Variants in CCNH observed in about 807,000 individuals in gnomAD.
CCNH encodes cyclin H, also known as cyclin-H.
CCNH carries 31 observed loss-of-function variants against 41.9 expected under a neutral mutation model. That is an observed-to-expected ratio of 0.74 (90% CI 0.56 to 1.00). The LOEUF is 1.00. Among genes scored for constraint, CCNH ranks in the 50% least tolerant of loss-of-function variants. The pLI is 0.00. For synonymous variants in CCNH, 138 were observed against 136.1 expected (o/e 1.01, Z -0.10); for missense variants, 362 against 388.4 (o/e 0.93, Z 0.57).
At chr5:87,342,519 G>A (rs1204039351) in intron 9 of CCNH, among the ~76,000 whole-genome samples, 1 of 152,150 alleles carries the variant, frequency 6.6e-6, no homozygotes, top group Non-Finnish European at 1.5e-5. Context: ...AGCAAGTGAA[G>A]CGGGTCAAGT....
downstream of CCNH, chr5:87,376,130 C>A (rs1160693967): frequency 4.0e-6 from 2 of 496,598 alleles, no homozygotes; most frequent in Non-Finnish European, 7.3e-6. Context: ...TAATTGATTT[C>A]TTGCCTTCTT....
intron 9 of CCNH, among the ~76,000 whole-genome samples, chr5:87,360,160 T>C (rs1759972759): frequency 6.6e-6 from 1 of 151,382 alleles, no homozygotes; most frequent in Admixed American, 6.6e-5. Context: ...ATTTCGCTCT[T>C]TTTTGCTCAG....
chr5:87,329,118 CATT>C (rs1561285066), intron 9 of CCNH, among the ~76,000 whole-genome samples: 1 of 150,158 alleles, frequency 6.7e-6, no homozygotes, highest in African/African-American at 2.4e-5. Context: ...CTGACTTATC[CATT>C]TTAATGCTCA....
chr5:87,366,049 T>G (rs1184351457), intron 9 of CCNH, among the ~76,000 whole-genome samples: 4 of 152,144 alleles, frequency 2.6e-5, no homozygotes, highest in Admixed American at 2.0e-4. Flanking sequence ...AAGAAAAGTT[T>G]TGATAAAAGT....
intron 4 of CCNH, among the ~76,000 whole-genome samples, chr5:87,407,470 T>G (rs536903013): frequency 2.6e-5 from 4 of 152,142 alleles, no homozygotes; most frequent in Non-Finnish European, 5.9e-5. Flanking sequence ...CAAAACAACT[T>G]AAAAAAGTTG....
Position 87,377,149 on chromosome 5 carries a change from A to ACCAT in CCNH, n.31_32insATGG, listed in dbSNP as rs1247675823. 84 of 1,382,620 alleles carry ACCAT rather than the reference A, an allele frequency of 6.1e-5. No homozygotes were observed. The Admixed American group carries it at 1.4e-3, about 23-fold the overall frequency. The allele number at this position is 1,382,620 out of a possible 1,614,324, so 85.6% of individuals were successfully genotyped here. The stretch of plus-strand genomic sequence containing the variant: ...ACTAAATTGTTAAATTATATTGCAA[A>ACCAT]ATAAGTTATTCTGTTTTCCCTCCTT... On this transcript the variant is annotated non_coding_transcript_exon_variant, in exon 1 of 1. Coordinates refer to the CCNH transcript ENST00000607486.
At chr5:87,319,960 A>G (rs1229893599) in intron 9 of CCNH, among the ~76,000 whole-genome samples, 2 of 152,234 alleles carry the variant, frequency 1.3e-5, no homozygotes, top group African/African-American at 4.8e-5. Context: ...GAAAAATACC[A>G]GGTCACATCT....
In CCNH at chr5:87,404,906, A is replaced by G. The variant is rs749077496; in HGVS notation, c.627T>C (p.Pro209=). The change falls in exon 5 of 9, where the codon CCT becomes CCC. Residue 209 remains proline, a synonymous_variant. Transcript: ENST00000256897. ...ALTDAYLLYT[P]SQIALTAILS... The stretch of plus-strand genomic sequence containing the variant: ...AAATGGCAGTCAGGGCAATTTGGGA[A>G]GGTGTGTATAAAAGGTAAGCATCCG... 1.2e-6 allele frequency: 2 copies of G among 1,613,630 alleles called. No homozygotes were observed. The highest frequency in any genetic ancestry group is 2.2e-5 in the South Asian group (2 of 91,056).
chr5:87,375,841 T>C (rs543386925), downstream of CCNH, among the ~76,000 whole-genome samples: 4 of 152,360 alleles, frequency 2.6e-5, no homozygotes, highest in South Asian at 8.3e-4. Context: ...ATAAAATGTT[T>C]ATTCTGTAGT....
At chr5:87,363,292 T>C (rs1580356265) in intron 9 of CCNH, 1 of 1,408,996 alleles carries the variant, frequency 7.1e-7, no homozygotes, top group Middle Eastern at 2.3e-4. Context: ...ATTTTAATAA[T>C]ATGTAGGATT....
At chr5:87,315,093 A>G (rs887865632), downstream of CCNH, among the ~76,000 whole-genome samples, 9 of 152,236 alleles carry the variant, frequency 5.9e-5, no homozygotes, top group Non-Finnish European at 1.0e-4. Flanking sequence ...TCTGATTGTC[A>G]TATTCACTAT....
chr5:87,343,677 TA>T (rs956510025), intron 9 of CCNH, among the ~76,000 whole-genome samples: 1 of 152,044 alleles, frequency 6.6e-6, no homozygotes, highest in Non-Finnish European at 1.5e-5. Flanking sequence ...TTCAAAAAAT[TA>T]AAAATAAAGC....
chr5:87,343,445 C>T (rs1052283908), intron 9 of CCNH, among the ~76,000 whole-genome samples: 9 of 152,072 alleles, frequency 5.9e-5, no homozygotes, highest in African/African-American at 2.2e-4. Context: ...TCCTTAACTG[C>T]CAGCAGGTAT....
downstream of CCNH, among the ~76,000 whole-genome samples, chr5:87,373,260 A>G (rs1014185948): frequency 6.7e-6 from 1 of 149,796 alleles, no homozygotes; most frequent in African/African-American, 2.5e-5. Flanking sequence ...AAAAAATACA[A>G]TAAAAAGATA....
rs148198066 is a variant in CCNH, at chr5:87,356,518, T to G, written c.*90+36252A>C. Reference sequence around the variant, plus strand: ...AATCCTCCTGCCTCAGGCTCCCCAGTAGCTAGGACTGCAGGTGTACACCAC... The same window carrying G: ...AATCCTCCTGCCTCAGGCTCCCCAGGAGCTAGGACTGCAGGTGTACACCAC... On this transcript the variant is annotated intron_variant and NMD_transcript_variant, in intron 9 of 9. Transcript: ENST00000645953. Among the ~76,000 whole-genome samples the G allele has an allele frequency of 3.4e-3, 519 of 152,136 alleles. 5 individuals carry two copies. The highest frequency in any genetic ancestry group is 0.012 in the African/African-American group (502 of 41,498).
At chr5:87,327,377 ACAAGT>A (rs1757305732) in intron 9 of CCNH, among the ~76,000 whole-genome samples, 1 of 152,210 alleles carries the variant, frequency 6.6e-6, no homozygotes, top group Non-Finnish European at 1.5e-5. Context: ...GGAATTTAGT[ACAAGT>A]CATTAATTTT....
At chr5:87,391,748 T>C (rs1039669948), downstream of CCNH, 7 of 232,594 alleles carry the variant, frequency 3.0e-5, no homozygotes, top group African/African-American at 1.5e-4. Context: ...CCTTTGATTA[T>C]GCAGACAACC....
intron 5 of CCNH, among the ~76,000 whole-genome samples, chr5:87,402,494 A>T (rs999153194): frequency 7.9e-5 from 12 of 152,196 alleles, no homozygotes; most frequent in Non-Finnish European, 1.5e-4. Context: ...AAATGAACAG[A>T]TTCTCAAAAT....
downstream of CCNH, among the ~76,000 whole-genome samples, chr5:87,371,626 G>A (rs1214615290): frequency 6.6e-6 from 1 of 152,002 alleles, no homozygotes; most frequent in Non-Finnish European, 1.5e-5. Flanking sequence ...ATTTCTACCT[G>A]TATCATGGTC....
Sources: gnomAD v4.1 joint callset for allele counts (sites outside exome capture counted in the v4.1 genomes callset) on GRCh38, gnomAD v4.1.1 for gene constraint, MANE v1.5 for transcripts, NCBI Gene and HGNC (gene_info 2026-07-23, HGNC 2026-07-21) for gene names.